The following GRID1 variants were observed in gnomAD, a reference collection of about 807,000 sequenced individuals.
GRID1 encodes the protein glutamate ionotropic receptor delta type subunit 1.
In GRID1, 28 loss-of-function variants were observed where a neutral mutation model predicts 98.0. That is an observed-to-expected ratio of 0.29 (90% CI 0.21 to 0.39). GRID1 has a LOEUF of 0.39. GRID1 is among the 10% of genes least tolerant of loss of function. GRID1 has a pLI of 1.00. For missense variants in GRID1, 1,111 were observed against 1,340.5 expected (o/e 0.83, Z 2.67); for synonymous variants, 553 against 538.5 (o/e 1.03, Z -0.37).
chr10:86,021,304 G>A (rs1442760410), intron 4 of GRID1, among the ~76,000 whole-genome samples: 1 of 152,088 alleles, frequency 6.6e-6, no homozygotes, highest in East Asian at 1.9e-4. Context: ...CTCCAGCTGA[G>A]CCTTTTATTA....
chr10:85,781,480 C>T (rs1054767937), intron 8 of GRID1, among the ~76,000 whole-genome samples: 4 of 152,146 alleles, frequency 2.6e-5, no homozygotes, highest in Non-Finnish European at 4.4e-5. Context: ...TAAAATACAA[C>T]ATTATTGATT....
At chr10:86,350,402 C>G (rs55780539) in intron 2 of GRID1, among the ~76,000 whole-genome samples, 1 of 152,160 alleles carries the variant, frequency 6.6e-6, no homozygotes, top group Non-Finnish European at 1.5e-5. Flanking sequence ...GGGAAGTGAC[C>G]TCAAGTGTCC....
At chr10:85,654,597 T>C (rs936957324) in intron 12 of GRID1, among the ~76,000 whole-genome samples, 9 of 152,308 alleles carry the variant, frequency 5.9e-5, no homozygotes, top group Admixed American at 3.3e-4. Context: ...CCAAGATCCA[T>C]TGAGAGGCAG....
Position 85,717,476 on chromosome 10 carries a change from G to A in GRID1, c.1997+5527C>T, listed in dbSNP as rs1373165579. Among the ~76,000 whole-genome samples, 7 of 152,148 alleles carry A rather than the reference G, an allele frequency of 4.6e-5. No individual in the cohort carries two copies. In the South Asian group the frequency reaches 1.2e-3, roughly 27 times the overall value. The stretch of plus-strand genomic sequence containing the variant: ...AGCCCTGATAAACCCATCAGATCTC[G>A]TGAGACTATTCGCTATCACAAGAAT... On this transcript the variant is annotated intron_variant, in intron 12 of 15. Transcript: ENST00000327946.
rs936603655 is a variant in GRID1 at position 86,277,551 on chromosome 10, T to TA, written c.236-70904dup. ...TAATTGACAAAGATGTGATTTGTCA[T>TA]AATAACATAAACAAGGAAATAAAGC... On this transcript the variant is annotated intron_variant, in intron 2 of 15. Coordinates refer to ENST00000327946, the MANE Select transcript of GRID1 (RefSeq NM_017551.3). 2.0e-5 allele frequency among the ~76,000 whole-genome samples: 3 copies of TA among 152,336 alleles called. No homozygotes were observed. In the East Asian group the frequency reaches 5.8e-4, roughly 29 times the overall value.
intron 5 of GRID1, among the ~76,000 whole-genome samples, chr10:85,910,889 A>G (rs1006750575): frequency 6.6e-6 from 1 of 152,238 alleles, no homozygotes; most frequent in Admixed American, 6.5e-5. Context: ...AATGTTAAGC[A>G]GATGTCTGCA....
At chr10:86,137,433 C>T (rs1417762894) in intron 4 of GRID1, among the ~76,000 whole-genome samples, 1 of 152,020 alleles carries the variant, frequency 6.6e-6, no homozygotes, top group Admixed American at 6.6e-5. Flanking sequence ...CACAGCAGAG[C>T]AAGAAGGAAA....
intron 8 of GRID1, among the ~76,000 whole-genome samples, chr10:85,811,503 T>C (rs1200538499): frequency 6.6e-5 from 10 of 152,030 alleles, no homozygotes; most frequent in Admixed American, 6.6e-4. Flanking sequence ...AAGAGATAGA[T>C]ATTATTTTTA....
rs978158055 is a variant in GRID1 at position 85,736,915 on chromosome 10, G to A, written c.1234-7301C>T. ...ATCTGAGGGTAGAATATTAATATTGGTAGCCAGGATTCCTGAAGTAAGGTA... is the reference window on the plus strand; with the variant it reads ...ATCTGAGGGTAGAATATTAATATTGATAGCCAGGATTCCTGAAGTAAGGTA... On this transcript the variant is annotated intron_variant, in intron 8 of 15. Coordinates refer to ENST00000327946, the MANE Select transcript of GRID1 (RefSeq NM_017551.3). 2.5e-4 allele frequency among the ~76,000 whole-genome samples: 38 copies of A among 152,212 alleles called. No individual in the cohort carries two copies. The Middle Eastern group carries it at 0.014, about 54-fold the overall frequency.
intron 5 of GRID1, among the ~76,000 whole-genome samples, chr10:85,870,303 C>G (rs887778244): frequency 6.6e-6 from 1 of 152,222 alleles, no homozygotes; most frequent in Non-Finnish European, 1.5e-5. Flanking sequence ...CTTTTGGACT[C>G]TTGTACTTAC....
intron 8 of GRID1, among the ~76,000 whole-genome samples, chr10:85,822,261 T>C (rs1276662018): frequency 6.6e-6 from 1 of 152,080 alleles, no homozygotes; most frequent in Non-Finnish European, 1.5e-5. Context: ...ACCTACAGAA[T>C]GGGAGAAAAT....
intron 12 of GRID1, among the ~76,000 whole-genome samples, chr10:85,707,440 A>C (rs539591391): frequency 6.6e-6 from 1 of 152,176 alleles, no homozygotes; most frequent in Non-Finnish European, 1.5e-5. Context: ...TTAGAATGGC[A>C]ATCATTAAAA....
intron 3 of GRID1, among the ~76,000 whole-genome samples, chr10:86,179,837 A>G (rs987641995): frequency 1.3e-5 from 2 of 152,234 alleles, no homozygotes; most frequent in Non-Finnish European, 2.9e-5. Flanking sequence ...GGCATCCTCC[A>G]GAGGGTCATG....
At chr10:85,710,419 T>G (rs1016463413) in intron 12 of GRID1, among the ~76,000 whole-genome samples, 2 of 152,104 alleles carry the variant, frequency 1.3e-5, no homozygotes, top group Non-Finnish European at 2.9e-5. Flanking sequence ...GATATCCACA[T>G]GCAGAAAAAT....
rs902848235 is a variant in GRID1 at position 86,002,884 on chromosome 10, G to T, written c.727-86645C>A. Reference sequence around the variant, plus strand: ...TCATGTATTGTGCTGGGGATACAAAGATAAACAGAAGAAAGCCATAAAGAC... The same window carrying T: ...TCATGTATTGTGCTGGGGATACAAATATAAACAGAAGAAAGCCATAAAGAC... On this transcript the variant is annotated intron_variant, in intron 4 of 15. Coordinates refer to ENST00000327946, the MANE Select transcript of GRID1 (RefSeq NM_017551.3). 2.6e-4 allele frequency among the ~76,000 whole-genome samples: 39 copies of T among 152,136 alleles called. 1 individual carries two copies. The highest frequency in any genetic ancestry group is 2.2e-3 in the Admixed American group (33 of 15,272).
chr10:86,134,590 C>A (rs1844888090), intron 4 of GRID1, among the ~76,000 whole-genome samples: 1 of 152,156 alleles, frequency 6.6e-6, no homozygotes, highest in Non-Finnish European at 1.5e-5. Context: ...CTGCCCCAGG[C>A]TAGGGAGCCC....
intron 12 of GRID1, among the ~76,000 whole-genome samples, chr10:85,653,601 T>G (rs931821820): frequency 3.3e-5 from 5 of 152,148 alleles, no homozygotes; most frequent in African/African-American, 1.2e-4. Context: ...CCGCCAAAAC[T>G]CATATTGAAA....
chr10:85,958,977 G>T (rs1842230618), intron 4 of GRID1, among the ~76,000 whole-genome samples: 2 of 149,800 alleles, frequency 1.3e-5, no homozygotes, highest in Non-Finnish European at 3.0e-5. Context: ...AAAAAAGAAA[G>T]AAAGAAAGAA....
intron 2 of GRID1, among the ~76,000 whole-genome samples, chr10:86,284,615 G>A (rs1428019086): frequency 2.6e-5 from 4 of 152,234 alleles, no homozygotes; most frequent in Non-Finnish European, 5.9e-5. Context: ...CACACAGCCA[G>A]GCCTCTCAGA....
Sources: allele counts gnomAD v4.1 joint callset (sites outside exome capture counted in the v4.1 genomes callset), GRCh38; gene constraint gnomAD v4.1.1; transcripts MANE v1.5; gene names NCBI Gene and HGNC (gene_info 2026-07-23, HGNC 2026-07-21).